GPATCH2: variants seen among roughly 807,000 people sequenced by gnomAD.
GPATCH2 encodes the protein G patch domain-containing protein 2.
In GPATCH2, 51 loss-of-function variants were observed where a neutral mutation model predicts 58.0. That is an observed-to-expected ratio of 0.88 (90% CI 0.70 to 1.11). GPATCH2 has a LOEUF of 1.11. GPATCH2 is among the 50% of genes most tolerant of loss of function. The pLI, the probability that GPATCH2 is intolerant of heterozygous loss-of-function variation, is 0.00. For synonymous variants in GPATCH2, 222 were observed against 218.5 expected (o/e 1.02, Z -0.14); for missense variants, 625 against 652.2 (o/e 0.96, Z 0.45).
intron 5 of GPATCH2, among the ~76,000 whole-genome samples, chr1:217,543,516 G>A (rs7540977): frequency 8.6e-5 from 13 of 152,014 alleles, no homozygotes; most frequent in East Asian, 3.9e-4. Flanking sequence ...TGATCTGCCC[G>A]TCTCGGCCTC....
rs569685227 is a variant in GPATCH2, at chr1:217,530,535, T to C, written c.1099-15646A>G. Among the ~76,000 whole-genome samples the C allele has an allele frequency of 2.0e-5, 3 of 152,286 alleles. No individual in the cohort carries two copies. In the South Asian group the frequency reaches 6.2e-4, roughly 32 times the overall value. ...GCAAGAATAAGGAGTTTTGTAGGGT[T>C]GGTGGGACTGGGAGCAAGGAGGGTG... On this transcript the variant is annotated intron_variant, in intron 5 of 9. Transcript: ENST00000366935.
intron 5 of GPATCH2, among the ~76,000 whole-genome samples, chr1:217,606,198 T>A (rs961654531): frequency 6.6e-6 from 1 of 151,182 alleles, no homozygotes; most frequent in Non-Finnish European, 1.5e-5. Context: ...CCCTCCATCA[T>A]TTAAGCTATT....
intron 5 of GPATCH2, among the ~76,000 whole-genome samples, chr1:217,587,362 A>G (rs1667386774): frequency 6.6e-6 from 1 of 152,096 alleles, no homozygotes; most frequent in African/African-American, 2.4e-5. Context: ...ACCACTGAAC[A>G]CTCCTTTTCC....
intron 1 of GPATCH2, among the ~76,000 whole-genome samples, chr1:217,626,374 C>T (rs768525955): frequency 2.6e-5 from 4 of 152,136 alleles, no homozygotes; most frequent in East Asian, 1.9e-4. Context: ...TGTACTTATA[C>T]GCCTCCATTA....
At chr1:217,486,449 G>A (rs1412705186) in intron 8 of GPATCH2, among the ~76,000 whole-genome samples, 1 of 152,040 alleles carries the variant, frequency 6.6e-6, no homozygotes, top group Non-Finnish European at 1.5e-5. Context: ...TGCCCACACT[G>A]GAGTGCACTA....
At chr1:217,614,555 C>T in intron 2 of GPATCH2, among the ~76,000 whole-genome samples, 1 of 151,956 alleles carries the variant, frequency 6.6e-6, no homozygotes. Context: ...AACACCACTG[C>T]TCAATAAAAT....
At chr1:217,615,410 A>G (rs1339972134) in intron 2 of GPATCH2, among the ~76,000 whole-genome samples, 1 of 152,124 alleles carries the variant, frequency 6.6e-6, no homozygotes, top group Non-Finnish European at 1.5e-5. Flanking sequence ...TAATGAAAAA[A>G]TATTTTCTAA....
chr1:217,493,983 T>A (rs984537078), intron 7 of GPATCH2, among the ~76,000 whole-genome samples: 2 of 151,946 alleles, frequency 1.3e-5, no homozygotes, highest in Non-Finnish European at 2.9e-5. Flanking sequence ...AAATTTATAG[T>A]TTAGTTTTGA....
intron 3 of GPATCH2, among the ~76,000 whole-genome samples, chr1:217,613,683 T>C (rs1258222413): frequency 6.6e-6 from 1 of 152,164 alleles, no homozygotes; most frequent in Non-Finnish European, 1.5e-5. Flanking sequence ...TTTACAATAT[T>C]GAATTCATAA....
intron 2 of GPATCH2, among the ~76,000 whole-genome samples, chr1:217,617,919 A>T (rs1370008526): frequency 2.0e-5 from 3 of 152,134 alleles, no homozygotes; most frequent in African/African-American, 7.2e-5. Flanking sequence ...CATATCCATT[A>T]CCAGTTACAT....
At chr1:217,554,812 C>A (rs915245697) in intron 5 of GPATCH2, among the ~76,000 whole-genome samples, 2 of 152,080 alleles carry the variant, frequency 1.3e-5, no homozygotes, top group African/African-American at 2.4e-5. Flanking sequence ...TAATAAAAAA[C>A]CCCATTCTTT....
intron 8 of GPATCH2, among the ~76,000 whole-genome samples, chr1:217,486,741 G>A (rs1269588291): frequency 2.0e-5 from 3 of 152,184 alleles, no homozygotes; most frequent in African/African-American, 7.2e-5. Context: ...GCCTTAGAGT[G>A]GAGAGGCTCT....
rs1663841091 is a variant in GPATCH2 at position 217,525,272 on chromosome 1, AC to A, written c.1099-10384del. On this transcript the variant is annotated intron_variant, in intron 5 of 9. Coordinates refer to ENST00000366935, the MANE Select transcript of GPATCH2 (RefSeq NM_018040.5). ...GGTTATCTAGCTGACATATAAGATA[AC>A]CCTCCATCTCACTAGACACCACTGG... Among the ~76,000 whole-genome samples, 3 of 151,210 alleles carry A rather than the reference AC, an allele frequency of 2.0e-5. No homozygotes were observed. The South Asian group carries it at 6.3e-4, about 32-fold the overall frequency.
chr1:217,440,002 C>T (rs1659059674), intron 9 of GPATCH2, among the ~76,000 whole-genome samples: 1 of 152,216 alleles, frequency 6.6e-6, no homozygotes, highest in South Asian at 2.1e-4. Flanking sequence ...GGACTCCTCC[C>T]AGACTCATTT....
At chr1:217,614,521 T>C (rs3818718) in intron 2 of GPATCH2, among the ~76,000 whole-genome samples, 91,611 of 151,708 alleles carry the variant, frequency 0.6, 28,630 homozygotes, top group African/African-American at 0.68. Context: ...CTTTCTTACG[T>C]CATGCAATTC....
intron 5 of GPATCH2, among the ~76,000 whole-genome samples, chr1:217,527,906 T>C (rs1167012933): frequency 2.6e-5 from 4 of 152,186 alleles, no homozygotes; most frequent in African/African-American, 7.2e-5. Context: ...TAAAACTATA[T>C]AAAGATTAAA....
intron 2 of GPATCH2, among the ~76,000 whole-genome samples, chr1:217,618,522 T>C (rs1236380334): frequency 1.3e-5 from 2 of 152,120 alleles, no homozygotes; most frequent in East Asian, 1.9e-4. Context: ...TTTTTTAATG[T>C]AAGTAATTTT....
chr1:217,533,536 G>A (rs1279573914), intron 5 of GPATCH2, among the ~76,000 whole-genome samples: 1 of 152,164 alleles, frequency 6.6e-6, no homozygotes, highest in Admixed American at 6.5e-5. Context: ...GCCACATGCC[G>A]TGGTCATCCA....
chr1:217,574,578 A>T (rs1291836183), intron 5 of GPATCH2, among the ~76,000 whole-genome samples: 1 of 152,190 alleles, frequency 6.6e-6, no homozygotes, highest in African/African-American at 2.4e-5. Flanking sequence ...TAAACCTAAA[A>T]TAAGAGAAGG....
Sources: gnomAD v4.1 joint callset for allele counts (sites outside exome capture counted in the v4.1 genomes callset) on GRCh38, gnomAD v4.1.1 for gene constraint, MANE v1.5 for transcripts, NCBI Gene and HGNC (gene_info 2026-07-23, HGNC 2026-07-21) for gene names.